TMEM72: variants seen among roughly 807,000 people sequenced by gnomAD.
TMEM72 encodes kidney-specific secretory protein of 37 kDa.
Under a neutral mutation model 16.3 loss-of-function variants are expected in TMEM72, and 9 were observed. The observed-to-expected ratio is 0.55, with a 90% CI of 0.33 to 0.96. The LOEUF is 0.96. TMEM72 is among the 40% of genes least tolerant of loss of function. TMEM72 has a pLI of 0.03. For synonymous variants in TMEM72, 160 were observed against 146.5 expected (o/e 1.09, Z -0.66); for missense variants, 324 against 337.8 (o/e 0.96, Z 0.32).
At chr10:44,920,895 T>G (rs1217870443) in intron 1 of TMEM72, among the ~76,000 whole-genome samples, 1 of 152,210 alleles carries the variant, frequency 6.6e-6, no homozygotes, top group Non-Finnish European at 1.5e-5. Context: ...TCTGCTCTGG[T>G]GCAGCCCCCT....
At chr10:44,923,617 G>A (rs191054516) in intron 1 of TMEM72, among the ~76,000 whole-genome samples, 1 of 152,332 alleles carries the variant, frequency 6.6e-6, no homozygotes, top group Non-Finnish European at 1.5e-5. Context: ...AAGACGTATG[G>A]AGAGGGCCTA....
chr10:44,913,548 T>TGCTGAGAATGGGCC (rs1240831542), intron 1 of TMEM72, among the ~76,000 whole-genome samples: 1 of 152,118 alleles, frequency 6.6e-6, no homozygotes, highest in African/African-American at 2.4e-5. Flanking sequence ...CTGCTGTTAA[T>TGCTGAGAATGGGCC]GCTGAGAATG....
chr10:44,932,671 C>T (rs928113096), intron 3 of TMEM72, among the ~76,000 whole-genome samples: 3 of 152,340 alleles, frequency 2.0e-5, no homozygotes, highest in Admixed American at 1.3e-4. Context: ...AGCCAGTCTT[C>T]AGATCCAGAT....
chr10:44,933,732 C>G lies in TMEM72; in HGVS notation c.305C>G (p.Ala102Gly). 1 of 1,614,102 alleles carries G rather than the reference C, an allele frequency of 6.2e-7. No individual in the cohort carries two copies. The highest frequency in any genetic ancestry group is 8.5e-7 in the Non-Finnish European group (1 of 1,179,986). Residue 102 changes from alanine (A) to glycine (G), a missense_variant, in exon 4 of 5, where the codon GCC (alanine) becomes GGC (glycine). By Grantham distance (60) the Ala-to-Gly change is moderately conservative. Coordinates refer to ENST00000389583, the MANE Select transcript of TMEM72 (RefSeq NM_001123376.3). ...KFLAYLLLSVACFLHPVLVWH... is the reference protein window; with the variant it reads ...KFLAYLLLSVGCFLHPVLVWH... ...CTGGCCTACCTGCTGCTGTCGGTGG[C>G]CTGCTTCCTCCACCCGGTCCTGGTC...
rs1840366018 is a variant in TMEM72 at position 44,934,731 on chromosome 10, T to C, written c.425T>C (p.Val142Ala). ...KRKKRKAAPE[V>A]LASPEQYTDP... is the part of the protein sequence containing the mutation. ...AAGAAGAGGAAAGCTGCCCCCGAGGTGCTGGCCTCCCCAGAGCAGTACACA... is the reference window on the plus strand; with the variant it reads ...AAGAAGAGGAAAGCTGCCCCCGAGGCGCTGGCCTCCCCAGAGCAGTACACA... Residue 142 changes from valine to alanine, a missense_variant, in exon 5 of 5, where the codon GTG (valine) becomes GCG (alanine). By Grantham distance (64) the Val-to-Ala change is moderately conservative. Coordinates refer to ENST00000389583, the MANE Select transcript of TMEM72 (RefSeq NM_001123376.3). 6.2e-7 allele frequency: 1 copy of C among 1,612,372 alleles called. No individual in the cohort carries two copies. The highest frequency in any genetic ancestry group is 1.7e-5 in the Admixed American group (1 of 59,726).
intron 1 of TMEM72, among the ~76,000 whole-genome samples, chr10:44,926,692 C>A (rs536862444): frequency 6.6e-6 from 1 of 152,286 alleles, no homozygotes; most frequent in South Asian, 2.1e-4. Flanking sequence ...CCCCAGAGCC[C>A]TCCATCCATT....
intron 2 of TMEM72, among the ~76,000 whole-genome samples, chr10:44,928,619 C>A (rs1840240015): frequency 8.5e-6 from 1 of 117,432 alleles, no homozygotes; most frequent in Non-Finnish European, 1.9e-5. Context: ...TCCATCTATG[C>A]ACCTACACAT....
intron 2 of TMEM72, among the ~76,000 whole-genome samples, chr10:44,929,347 G>GC (rs1337223271): frequency 6.6e-6 from 1 of 152,158 alleles, no homozygotes; most frequent in Non-Finnish European, 1.5e-5. Flanking sequence ...GTGTGTTCTA[G>GC]CCCCCCAAAT....
At chr10:44,911,656 T>A in intron 1 of TMEM72, 74 bp downstream of exon 1, 1 of 1,511,430 alleles carries the variant, frequency 6.6e-7, no homozygotes, top group Non-Finnish European at 8.9e-7. Context: ...GGGTGGGAGG[T>A]GGCCAGGAGA....
In TMEM72 at chr10:44,928,390, C is replaced by G. The variant is rs187489205; in HGVS notation, c.137+403C>G. ...TCTACCCACCCACCTCTTCATCCAC[C>G]TGCCCATCCATCCATCTATTCATCC... is the stretch of plus-strand genomic sequence containing the variant. On this transcript the variant is annotated intron_variant, in intron 2 of 4. Coordinates refer to ENST00000389583, the MANE Select transcript of TMEM72 (RefSeq NM_001123376.3). Among the ~76,000 whole-genome samples the G allele has an allele frequency of 3.0e-4, 45 of 152,146 alleles. 1 individual carries two copies. In the East Asian group the frequency reaches 7.8e-3, roughly 26 times the overall value.
intron 1 of TMEM72, among the ~76,000 whole-genome samples, chr10:44,915,711 C>T (rs1415581945): frequency 1.3e-5 from 2 of 152,110 alleles, no homozygotes; most frequent in Non-Finnish European, 2.9e-5. Flanking sequence ...TGAGGACACA[C>T]GTACAGTGAA....
At chr10:44,923,240 G>C (rs1383979964) in intron 1 of TMEM72, 1 of 152,212 alleles carries the variant, frequency 6.6e-6, no homozygotes, top group Non-Finnish European at 1.5e-5. Context: ...GAATGTCAAA[G>C]ATAACTTCTT....
chr10:44,916,221 A>AACTC (rs1269534264), intron 1 of TMEM72, among the ~76,000 whole-genome samples: 1 of 152,160 alleles, frequency 6.6e-6, no homozygotes, highest in Non-Finnish European at 1.5e-5. Flanking sequence ...ATTCTGAGTG[A>AACTC]ACTCTGCTTG....
chr10:44,933,524 A>C (rs1342172858), intron 3 of TMEM72, 113 bp from the exon 4 acceptor site: 1 of 1,402,200 alleles, frequency 7.1e-7, no homozygotes, highest in African/African-American at 1.4e-5. Flanking sequence ...CTGTTCAGCC[A>C]GGGCCCACTG....
chr10:44,934,800 C>T lies in TMEM72; in HGVS notation c.494C>T (p.Thr165Ile), dbSNP rs527934388. Residue 165 changes from threonine to isoleucine, a missense_variant, in exon 5 of 5, where the codon ACA (threonine) becomes ATA (isoleucine). Thr to Ile is a moderately conservative substitution (Grantham distance 89, BLOSUM62 -1). Transcript: ENST00000389583. ...GTGAGCACCACCGGCTCTGGGGACA[C>T]AGAGCAAACCTACACTTTCCATGGG... is the stretch of plus-strand genomic sequence containing the variant. ...SAVSTTGSGD[T>I]EQTYTFHGAL... 3.7e-6 allele frequency: 6 copies of T among 1,613,696 alleles called. No individual in the cohort carries two copies. The African/African-American group carries it at 5.3e-5, about 14-fold the overall frequency.
chr10:44,921,215 G>T (rs909772247), intron 1 of TMEM72, among the ~76,000 whole-genome samples: 1 of 152,218 alleles, frequency 6.6e-6, no homozygotes, highest in Admixed American at 6.5e-5. Flanking sequence ...GCGATGCAAG[G>T]CACCTCCTGG....
chr10:44,912,743 C>A (rs543655524), intron 1 of TMEM72, among the ~76,000 whole-genome samples: 9 of 152,328 alleles, frequency 5.9e-5, no homozygotes, highest in African/African-American at 1.9e-4. Context: ...ATGACACACT[C>A]CAGAGCTCAA....
intron 1 of TMEM72, among the ~76,000 whole-genome samples, chr10:44,922,629 A>G (rs976091594): frequency 3.3e-5 from 5 of 152,104 alleles, no homozygotes; most frequent in African/African-American, 1.2e-4. Context: ...TGCTTTCTTT[A>G]CTTTTTCTAC....
intron 1 of TMEM72, among the ~76,000 whole-genome samples, chr10:44,917,199 C>G (rs1393793883): frequency 6.6e-6 from 1 of 152,180 alleles, no homozygotes; most frequent in Non-Finnish European, 1.5e-5. Flanking sequence ...GGGACAATCA[C>G]TGTATCTACC....
Sources: allele counts gnomAD v4.1 joint callset (sites outside exome capture counted in the v4.1 genomes callset), GRCh38; gene constraint gnomAD v4.1.1; transcripts MANE v1.5; gene names NCBI Gene and HGNC (gene_info 2026-07-23, HGNC 2026-07-21).